The following NDE1 variants were observed in gnomAD, a reference collection of about 807,000 sequenced individuals.
The protein encoded by NDE1 is nuclear distribution protein nudE homolog 1.
A neutral mutation model predicts 43.4 loss-of-function variants in NDE1; 28 were observed. The observed-to-expected ratio is 0.65, with a 90% CI of 0.48 to 0.89. NDE1 has a LOEUF of 0.89. Ranked by LOEUF, NDE1 falls within the 40% of genes least tolerant of loss-of-function variation. NDE1 has a pLI of 0.00. For missense variants in NDE1, 441 were observed against 434.1 expected (o/e 1.02, Z -0.14); for synonymous variants, 184 against 172.0 (o/e 1.07, Z -0.55).
intron 3 of NDE1, among the ~76,000 whole-genome samples, chr16:15,673,000 AGT>A (rs2037677367): frequency 6.6e-6 from 1 of 152,088 alleles, no homozygotes; most frequent in South Asian, 2.1e-4. Flanking sequence ...CTTTCTTTGG[AGT>A]CTTCTTGCAC....
At position 15,718,322 on chromosome 16, in the gene NDE1, G is replaced by A. The variant is rs761727438; in HGVS notation, c.948-5869G>A. 23 of 1,609,032 alleles carry A rather than the reference G, an allele frequency of 1.4e-5. No homozygotes were observed. The highest frequency in any genetic ancestry group is 1.1e-5 in the South Asian group (1 of 91,058). On this transcript the variant is annotated intron_variant, in intron 8 of 8. Transcript: ENST00000396354. ...TGTCCAGGCGGCCCTCACCTGCTGT[G>A]TGGCTTTGCGGACCCGGTCGCTCAT... is the stretch of plus-strand genomic sequence containing the variant.
chr16:15,700,354 C>A (rs9931006), intron 8 of NDE1: 1 of 153,918 alleles, frequency 6.5e-6, no homozygotes, highest in Non-Finnish European at 1.4e-5. Context: ...CCATCTCGGC[C>A]TCCCAGAATG....
chr16:15,710,689 T>G (rs1385777845), intron 8 of NDE1, among the ~76,000 whole-genome samples: 1 of 141,718 alleles, frequency 7.1e-6, no homozygotes. Flanking sequence ...TTGTTTTTTG[T>G]TTTTTTTTTG....
At chr16:15,652,576 C>T (rs1212359314) in intron 1 of NDE1, among the ~76,000 whole-genome samples, 3 of 152,188 alleles carry the variant, frequency 2.0e-5, no homozygotes, top group African/African-American at 7.2e-5. Flanking sequence ...GAGGCAAAAC[C>T]ACAGTAGGAA....
intron 1 of NDE1, among the ~76,000 whole-genome samples, chr16:15,659,412 C>T (rs1163877006): frequency 6.7e-6 from 1 of 148,214 alleles, no homozygotes; most frequent in Non-Finnish European, 1.5e-5. Context: ...AAGGAAGGGA[C>T]CTTGCACACA....
intron 7 of NDE1, chr16:15,695,707 T>A (rs1250135520): frequency 3.0e-6 from 3 of 985,244 alleles, no homozygotes; most frequent in Non-Finnish European, 2.4e-6. Context: ...TACAACTTAA[T>A]AGAAGCTTGC....
At position 15,715,199 on chromosome 16, in the gene NDE1, C is replaced by T; in HGVS notation, c.948-8992C>T. Reference sequence around the variant, plus strand: ...TACTGCTCGGCCATCTTGCGCTCGTCCTCCACCTGCAGCAAGATTTCCTTC... The same window carrying T: ...TACTGCTCGGCCATCTTGCGCTCGTTCTCCACCTGCAGCAAGATTTCCTTC... On this transcript the variant is annotated intron_variant, in intron 8 of 8. Coordinates refer to ENST00000396354, the MANE Select transcript of NDE1 (RefSeq NM_017668.3). 3 of 1,614,056 alleles carry T rather than the reference C, an allele frequency of 1.9e-6. No individual in the cohort carries two copies. Among genetic ancestry groups the T allele is most frequent in the Non-Finnish European group, 2.5e-6 (3 of 1,180,032 alleles).
chr16:15,698,771 GA>G, intron 8 of NDE1, among the ~76,000 whole-genome samples: 1 of 151,732 alleles, frequency 6.6e-6, no homozygotes, highest in African/African-American at 2.4e-5. Context: ...TGAGGCACAA[GA>G]ATCACTTGAA....
In NDE1 at chr16:15,724,011, G is replaced by A. The variant is rs1018271879; in HGVS notation, c.948-180G>A. On this transcript the variant is annotated intron_variant, in intron 8 of 8. Transcript: ENST00000396354. ...CTGGTAGCGTTAATGCTCCATGGTC[G>A]CCCAAGACAAGATAAGACAGCCTCC... 42 of 1,354,898 alleles carry A rather than the reference G, an allele frequency of 3.1e-5. 1 individual carries two copies. The highest frequency in any genetic ancestry group is 2.5e-4 in the African/African-American group (17 of 68,918). The allele number at this position is 1,354,898 out of a possible 1,614,324, so 83.9% of individuals were successfully genotyped here.
chr16:15,708,872 C>T (rs1299549474), intron 8 of NDE1: 5 of 1,605,420 alleles, frequency 3.1e-6, no homozygotes, highest in Non-Finnish European at 3.4e-6. Context: ...CCGGAGGTTA[C>T]CATCAGCAAA....
At chr16:15,715,298 G>C in intron 8 of NDE1, 2 of 1,612,600 alleles carry the variant, frequency 1.2e-6, no homozygotes, top group Non-Finnish European at 1.7e-6. Flanking sequence ...AAAACAGGTG[G>C]TTTCAGCGGA....
At chr16:15,710,920 A>C (rs960429007) in intron 8 of NDE1, among the ~76,000 whole-genome samples, 18 of 152,044 alleles carry the variant, frequency 1.2e-4, no homozygotes, top group African/African-American at 4.1e-4. Flanking sequence ...TCAGGTGATC[A>C]GCCCACCTCA....
At chr16:15,651,131 G>C (rs1382961999) in intron 1 of NDE1, among the ~76,000 whole-genome samples, 1 of 152,146 alleles carries the variant, frequency 6.6e-6, no homozygotes, top group African/African-American at 2.4e-5. Flanking sequence ...GCCATCTCAG[G>C]CTTTCTGCCT....
intron 4 of NDE1, among the ~76,000 whole-genome samples, chr16:15,685,523 T>G (rs1244077183): frequency 6.6e-6 from 1 of 152,162 alleles, no homozygotes; most frequent in Non-Finnish European, 1.5e-5. Context: ...AGTGCTGGGA[T>G]TATAGGCATG....
chr16:15,665,527 C>G (rs950590631), intron 2 of NDE1, among the ~76,000 whole-genome samples: 19 of 152,058 alleles, frequency 1.2e-4, no homozygotes, highest in African/African-American at 4.6e-4. Flanking sequence ...TCACTGCAGC[C>G]TCCACCTCTG....
At chr16:15,651,443 T>TTG (rs200779217) in intron 1 of NDE1, 1 of 150,784 alleles carries the variant, frequency 6.6e-6, no homozygotes, top group African/African-American at 2.4e-5. Flanking sequence ...TTTTTTTTTT[T>TTG]TTTTTTGTTT....
At chr16:15,698,792 T>C (rs965214776) in intron 8 of NDE1, among the ~76,000 whole-genome samples, 4 of 151,418 alleles carry the variant, frequency 2.6e-5, no homozygotes, top group African/African-American at 9.7e-5. Flanking sequence ...ACCCAGGAAG[T>C]GGAGGTTGCA....
chr16:15,708,916 G>T, intron 8 of NDE1: 1 of 1,387,264 alleles, frequency 7.2e-7, no homozygotes, highest in Non-Finnish European at 1.0e-6. Flanking sequence ...ATTCTTAATT[G>T]TTAAAGACAT....
At chr16:15,647,926 C>G (rs1054410094), upstream of NDE1, among the ~76,000 whole-genome samples, 1 of 151,014 alleles carries the variant, frequency 6.6e-6, no homozygotes, top group Non-Finnish European at 1.5e-5. Flanking sequence ...CTAGCTACTC[C>G]GGAGGATGAG....
Sources: allele counts gnomAD v4.1 joint callset (sites outside exome capture counted in the v4.1 genomes callset), GRCh38; gene constraint gnomAD v4.1.1; transcripts MANE v1.5; gene names NCBI Gene and HGNC (gene_info 2026-07-23, HGNC 2026-07-21).